Variants in CD33 observed in about 807,000 individuals in gnomAD.
The protein encoded by CD33 is CD33 molecule, also known as myeloid cell surface antigen CD33.
A neutral mutation model predicts 31.4 loss-of-function variants in CD33; 25 were observed. The observed-to-expected ratio is 0.80, with a 90% CI of 0.58 to 1.11. CD33 has a LOEUF of 1.11. CD33 is among the 50% of genes most tolerant of loss of function. The pLI is 0.00. For synonymous variants in CD33, 176 were observed against 180.6 expected, an observed-to-expected ratio of 0.97 and a Z score of 0.20; for missense variants, 407 against 448.1, an observed-to-expected ratio of 0.91 and a Z score of 0.83.
At chr19:51,230,866 G>A (rs911144591) in intron 4 of CD33, among the ~76,000 whole-genome samples, 1 of 152,178 alleles carries the variant, frequency 6.6e-6, no homozygotes, top group Non-Finnish European at 1.5e-5. Context: ...TGGGTCCAGG[G>A]TCTCAAACCC....
At chr19:51,223,458 G>T (rs1980786708), upstream of CD33, among the ~76,000 whole-genome samples, 1 of 152,140 alleles carries the variant, frequency 6.6e-6, no homozygotes, top group African/African-American at 2.4e-5. Flanking sequence ...CGGTTTGCTG[G>T]ATGCATACTA....
rs537040950 is a variant in CD33 at position 51,226,360 on chromosome 19, G to A, written c.745+4G>A. 4.3e-6 allele frequency: 7 copies of A among 1,612,920 alleles called. No homozygotes were observed. In the East Asian group the frequency reaches 1.3e-4, roughly 31 times the overall value. ...ATCTTTCCAGGAGATGGCTCAGGTA[G>A]GAAGGAGCCTCCCCGCCTGGGGCTG... On this transcript the variant is annotated splice_donor_region_variant and intron_variant, in intron 4 of 6. Transcript: ENST00000262262.
chr19:51,235,914 C>T (rs973564665), intron 6 of CD33: 11 of 701,082 alleles, frequency 1.6e-5, no homozygotes, highest in Non-Finnish European at 2.6e-5. Context: ...ATCCCAGCAC[C>T]TTTGGAGGCC....
upstream of CD33, among the ~76,000 whole-genome samples, chr19:51,223,645 GC>G (rs1159539221): frequency 1.3e-5 from 2 of 152,126 alleles, no homozygotes; most frequent in East Asian, 3.8e-4. Flanking sequence ...ACTTGCTTCT[GC>G]CCACACTGAA....
chr19:51,216,562 G>GAAATCTCTCT, the CD33 span, among the ~76,000 whole-genome samples: 1 of 151,950 alleles, frequency 6.6e-6, no homozygotes, highest in African/African-American at 2.4e-5. Context: ...TCAAAAATTA[G>GAAATCTCTCT]GTGGGCATGG....
At chr19:51,237,666 G>C (rs143209708) in intron 6 of CD33, 1,958 of 152,364 alleles carry the variant, frequency 0.013, 38 homozygotes, top group African/African-American at 0.045. Context: ...AGTGTGGACT[G>C]AACAATGGTA....
chr19:51,234,728 G>A (rs1329503127), intron 4 of CD33, among the ~76,000 whole-genome samples: 1 of 152,114 alleles, frequency 6.6e-6, no homozygotes. Flanking sequence ...CTGCTTCCAG[G>A]CCCTTTTTAA....
upstream of CD33, chr19:51,225,041 C>T (rs370546249): frequency 7.0e-4 from 1,104 of 1,571,438 alleles, 4 homozygotes; most frequent in African/African-American, 3.2e-3. Context: ...GCTTCCTGTC[C>T]GGCCCTGTAG....
intron 4 of CD33, among the ~76,000 whole-genome samples, chr19:51,233,538 G>A (rs780591226): frequency 5.8e-4 from 89 of 152,250 alleles, no homozygotes; most frequent in Admixed American, 2.0e-4. Flanking sequence ...GCACTCCAGA[G>A]ATGGCTGTGG....
intron 4 of CD33, among the ~76,000 whole-genome samples, chr19:51,227,647 T>C (rs1981125585): frequency 1.3e-5 from 2 of 152,214 alleles, no homozygotes; most frequent in African/African-American, 2.4e-5. Context: ...AGCTGACAAA[T>C]ATTTTCTCCT....
the CD33 span, among the ~76,000 whole-genome samples, chr19:51,213,950 C>T: frequency 3.3e-5 from 5 of 151,090 alleles, no homozygotes; most frequent in Non-Finnish European, 5.9e-5. Flanking sequence ...ACCTCCACCT[C>T]CCAGATTCAA....
chr19:51,219,312 T>C, the CD33 span, among the ~76,000 whole-genome samples: 1 of 152,228 alleles, frequency 6.6e-6, no homozygotes, highest in Non-Finnish European at 1.5e-5. Flanking sequence ...TCTTGATTTT[T>C]CTTCTGTTAG....
chr19:51,239,296 T>C (rs1013967802), intron 6 of CD33: 10 of 384,008 alleles, frequency 2.6e-5, no homozygotes, highest in African/African-American at 2.1e-4. Flanking sequence ...TTTTTCCACA[T>C]TAGTCTCTGT....
chr19:51,225,993 C>G lies in CD33; in HGVS notation c.609C>G (p.Pro203=). ...CGGTGCTCATAATCACCCCACGGCCCCAGGACCACGGCACCAACCTGACCT... is the reference window on the plus strand; with the variant it reads ...CGGTGCTCATAATCACCCCACGGCCGCAGGACCACGGCACCAACCTGACCT... ...HSSVLIITPR[P]QDHGTNLTCQ... Residue 203 remains proline, a synonymous_variant, in exon 3 of 7, where the codon CCC becomes CCG. Coordinates refer to ENST00000262262, the MANE Select transcript of CD33 (RefSeq NM_001772.4). 1 of 1,614,110 alleles carries G rather than the reference C, an allele frequency of 6.2e-7. No individual in the cohort carries two copies.
At chr19:51,218,593 C>T in the CD33 span, among the ~76,000 whole-genome samples, 18 of 152,264 alleles carry the variant, frequency 1.2e-4, no homozygotes, top group Admixed American at 1.1e-3. Flanking sequence ...GTTGTGAATT[C>T]TTTGCCTACG....
intron 4 of CD33, among the ~76,000 whole-genome samples, chr19:51,233,318 G>A (rs73932887): frequency 0.074 from 11,311 of 152,250 alleles, 950 homozygotes; most frequent in African/African-American, 0.21. Context: ...TTGTGTGTTC[G>A]CCCTGAGTGG....
At chr19:51,220,165 A>G (rs1196336700), upstream of CD33, among the ~76,000 whole-genome samples, 1 of 152,084 alleles carries the variant, frequency 6.6e-6, no homozygotes, top group Non-Finnish European at 1.5e-5. Flanking sequence ...ATTTTTTTCT[A>G]TTGCTGGTTC....
chr19:51,222,207 C>G (rs1469006240), upstream of CD33, among the ~76,000 whole-genome samples: 2 of 152,220 alleles, frequency 1.3e-5, no homozygotes, highest in Admixed American at 1.3e-4. Context: ...CCACTATGCT[C>G]TCACTAGAAT....
intron 4 of CD33, among the ~76,000 whole-genome samples, chr19:51,227,087 A>G (rs1981089816): frequency 6.6e-6 from 1 of 152,100 alleles, no homozygotes; most frequent in East Asian, 1.9e-4. Flanking sequence ...TCCATTGTGT[A>G]TATACGCCAC....
Sources: allele counts gnomAD v4.1 joint callset (sites outside exome capture counted in the v4.1 genomes callset), GRCh38; gene constraint gnomAD v4.1.1; transcripts MANE v1.5; gene names NCBI Gene and HGNC (gene_info 2026-07-23, HGNC 2026-07-21).